VPS13B: variants seen among roughly 807,000 people sequenced by gnomAD.
VPS13B encodes vacuolar protein sorting 13 homolog B, also known as intermembrane lipid transfer protein VPS13B.
Under a neutral mutation model 426.4 loss-of-function variants are expected in VPS13B, and 285 were observed. That is an observed-to-expected ratio of 0.67 (90% CI 0.61 to 0.74). The LOEUF is 0.74. VPS13B is among the 30% of genes least tolerant of loss of function. VPS13B has a pLI of 0.00. For synonymous variants in VPS13B, 1,676 were observed against 1,676.4 expected (o/e 1.00, Z 0.01); for missense variants, 4,537 against 4,782.6 (o/e 0.95, Z 1.51).
chr8:99,404,182 A>G (rs762479262), intron 21 of VPS13B, among the ~76,000 whole-genome samples: 2 of 152,220 alleles, frequency 1.3e-5, no homozygotes, highest in Non-Finnish European at 2.9e-5. Flanking sequence ...ACTTAATTTT[A>G]AAGTTCTTTG....
intron 27 of VPS13B, among the ~76,000 whole-genome samples, chr8:99,505,679 A>G (rs1243775089): frequency 1.3e-5 from 2 of 152,220 alleles, no homozygotes; most frequent in East Asian, 3.8e-4. Context: ...TTGAAATATT[A>G]TAAGAATTAC....
intron 19 of VPS13B, among the ~76,000 whole-genome samples, chr8:99,335,907 A>G (rs1294226695): frequency 6.6e-6 from 1 of 152,228 alleles, no homozygotes; most frequent in Admixed American, 6.5e-5. Context: ...CATGGGTAGG[A>G]AGAATCAATA....
At chr8:99,537,113 T>A (rs1412278133) in intron 30 of VPS13B, among the ~76,000 whole-genome samples, 1 of 152,162 alleles carries the variant, frequency 6.6e-6, no homozygotes, top group Non-Finnish European at 1.5e-5. Flanking sequence ...ATCCACCTGG[T>A]AAAATTGTCC....
At chr8:99,097,151 A>G (rs952094838) in intron 4 of VPS13B, among the ~76,000 whole-genome samples, 2 of 152,208 alleles carry the variant, frequency 1.3e-5, no homozygotes, top group African/African-American at 4.8e-5. Context: ...CTGAAGTGGG[A>G]GCACAAATTA....
chr8:99,840,500 T>C (rs1221151357), intron 54 of VPS13B, among the ~76,000 whole-genome samples: 1 of 152,188 alleles, frequency 6.6e-6, no homozygotes, highest in Non-Finnish European at 1.5e-5. Context: ...ATCCAGGTCA[T>C]TAATAAATAT....
At chr8:99,593,491 C>G (rs1463614667) in intron 33 of VPS13B, among the ~76,000 whole-genome samples, 1 of 152,052 alleles carries the variant, frequency 6.6e-6, no homozygotes, top group Admixed American at 6.6e-5. Context: ...TTGTGTGAGA[C>G]AGTGTGGTGA....
intron 33 of VPS13B, among the ~76,000 whole-genome samples, chr8:99,590,530 A>G (rs933079648): frequency 4.6e-5 from 7 of 152,042 alleles, no homozygotes; most frequent in Admixed American, 6.6e-5. Flanking sequence ...ATTCTGGTAC[A>G]TTGTGTCTTT....
chr8:99,284,385 A>G (rs1819324224), intron 19 of VPS13B, among the ~76,000 whole-genome samples: 1 of 152,142 alleles, frequency 6.6e-6, no homozygotes, highest in South Asian at 2.1e-4. Context: ...TGTGCGTAGA[A>G]CTATAACGAT....
intron 3 of VPS13B, among the ~76,000 whole-genome samples, chr8:99,059,420 C>T (rs1320316269): frequency 6.6e-6 from 1 of 152,142 alleles, no homozygotes; most frequent in Non-Finnish European, 1.5e-5. Flanking sequence ...TAGCTATTTT[C>T]CCACCTTGGC....
rs1393532422 is a variant in VPS13B, at chr8:99,177,987, G to A, written c.2333+7824G>A. Among the ~76,000 whole-genome samples the A allele has an allele frequency of 3.9e-5, 6 of 152,050 alleles. No homozygotes were observed. The East Asian group carries it at 9.6e-4, about 24-fold the overall frequency. ...TTTTTGTGAGGGAGAGTGAAAGTCA[G>A]TAGTATTCTTTGAGTTCAAAAGAAC... On this transcript the variant is annotated intron_variant, in intron 16 of 61. Coordinates refer to ENST00000357162, the MANE Select transcript of VPS13B (RefSeq NM_152564.5).
At chr8:99,346,474 C>G (rs373593494) in intron 19 of VPS13B, 1 of 152,136 alleles carries the variant, frequency 6.6e-6, no homozygotes, top group Admixed American at 6.5e-5. Context: ...ACAACATTAC[C>G]TAAGGAGTTG....
chr8:99,790,970 T>A (rs1359306445), intron 43 of VPS13B, among the ~76,000 whole-genome samples: 1 of 152,196 alleles, frequency 6.6e-6, no homozygotes, highest in Non-Finnish European at 1.5e-5. Context: ...TAATACCGTC[T>A]TGAGGCCATG....
At chr8:99,874,439 C>T (rs79464185) in intron 61 of VPS13B, among the ~76,000 whole-genome samples, 6,473 of 152,228 alleles carry the variant, frequency 0.043, 189 homozygotes, top group Non-Finnish European at 0.063. Flanking sequence ...TGCCATCGCA[C>T]GGACTTTCTC....
intron 43 of VPS13B, among the ~76,000 whole-genome samples, chr8:99,784,745 C>T (rs1463239145): frequency 6.6e-6 from 1 of 151,990 alleles, no homozygotes; most frequent in Non-Finnish European, 1.5e-5. Flanking sequence ...GGTTTGGATC[C>T]TAGCTGTGTG....
At chr8:99,695,229 C>A (rs1260872298) in intron 35 of VPS13B, among the ~76,000 whole-genome samples, 1 of 150,490 alleles carries the variant, frequency 6.6e-6, no homozygotes, top group Non-Finnish European at 1.5e-5. Context: ...AATCATGCTG[C>A]TATAAAGACA....
chr8:99,815,364 CAAAGGCCAGA>C (rs980675843), intron 44 of VPS13B, among the ~76,000 whole-genome samples: 1 of 152,000 alleles, frequency 6.6e-6, no homozygotes, highest in African/African-American at 2.4e-5. Flanking sequence ...ATTCCAAGTC[CAAAGGCCAGA>C]AAAGACCAAT....
rs867301442 is a variant in VPS13B, at chr8:99,099,150, T to A, written c.412+2718T>A. Among the ~76,000 whole-genome samples, 3 of 152,218 alleles carry A rather than the reference T, an allele frequency of 2.0e-5. 1 individual carries two copies. The South Asian group carries it at 6.2e-4, about 32-fold the overall frequency. On this transcript the variant is annotated intron_variant, in intron 4 of 61. Transcript: ENST00000357162. ...ATCTAGTTATTAAATCTGATGTTTT[T>A]AATTCATATTTTATTGGGCCTGTCT...
At chr8:99,861,165 C>T (rs1816812580) in intron 57 of VPS13B, among the ~76,000 whole-genome samples, 1 of 152,206 alleles carries the variant, frequency 6.6e-6, no homozygotes, top group Admixed American at 6.5e-5. Context: ...CAAACCTTGA[C>T]AAATTAAATT....
chr8:99,201,026 C>T (rs899553978), intron 17 of VPS13B, among the ~76,000 whole-genome samples: 1 of 151,556 alleles, frequency 6.6e-6, no homozygotes, highest in African/African-American at 2.4e-5. Flanking sequence ...TCACAGAATC[C>T]TTCTTGGTCT....
Sources: gnomAD v4.1 joint callset for allele counts (sites outside exome capture counted in the v4.1 genomes callset) on GRCh38, gnomAD v4.1.1 for gene constraint, MANE v1.5 for transcripts, NCBI Gene and HGNC (gene_info 2026-07-23, HGNC 2026-07-21) for gene names.